The following CAMTA1 variants were observed in gnomAD, a reference collection of about 807,000 sequenced individuals.
CAMTA1 encodes calmodulin binding transcription activator 1.
Under a neutral mutation model 170.9 loss-of-function variants are expected in CAMTA1, and 27 were observed. The ratio of observed to expected loss-of-function variants is 0.16; its 90% CI spans 0.12 to 0.22. The LOEUF (loss-of-function observed/expected upper bound fraction) is 0.22. Ranked by LOEUF, CAMTA1 falls within the 10% of genes least tolerant of loss-of-function variation. The probability of loss-of-function intolerance (pLI) is 1.00; values close to 1 mark genes in which losing one functional copy is unlikely to be tolerated. For synonymous variants in CAMTA1, 833 were observed against 891.5 expected, an observed-to-expected ratio of 0.93 and a Z score of 1.17; for missense variants, 1,619 against 2,217.2, an observed-to-expected ratio of 0.73 and a Z score of 5.42.
intron 7 of CAMTA1, among the ~76,000 whole-genome samples, chr1:7,650,219 G>A (rs1425573510): frequency 2.0e-5 from 3 of 152,184 alleles, no homozygotes; most frequent in East Asian, 1.9e-4. Context: ...CTTCACCCAC[G>A]GTGCAAAGAA....
chr1:7,310,584 TTTTTC>T (rs139275874), intron 5 of CAMTA1, among the ~76,000 whole-genome samples: 5,606 of 132,168 alleles, frequency 0.042, 1,942 homozygotes, highest in African/African-American at 0.056. Context: ...AAGATTTTTC[TTTTTC>T]TTTTCTTTTC....
At chr1:7,683,850 C>T (rs898429700) in intron 11 of CAMTA1, among the ~76,000 whole-genome samples, 1 of 152,232 alleles carries the variant, frequency 6.6e-6, no homozygotes, top group African/African-American at 2.4e-5. Flanking sequence ...CCCAGGCCTG[C>T]TTTCCTCAGC....
intron 5 of CAMTA1, among the ~76,000 whole-genome samples, chr1:7,454,653 A>G (rs1367615909): frequency 6.6e-6 from 1 of 152,044 alleles, no homozygotes; most frequent in Non-Finnish European, 1.5e-5. Flanking sequence ...CAGGGAGGAT[A>G]GGAAGGGGCC....
At chr1:7,444,615 G>A (rs1440932809) in intron 5 of CAMTA1, among the ~76,000 whole-genome samples, 1 of 152,232 alleles carries the variant, frequency 6.6e-6, no homozygotes, top group African/African-American at 2.4e-5. Context: ...CCCTGCTGAT[G>A]ATGTTGGGCA....
chr1:7,600,627 C>A (rs1039924497), intron 6 of CAMTA1, among the ~76,000 whole-genome samples: 2 of 151,782 alleles, frequency 1.3e-5, no homozygotes, highest in African/African-American at 4.8e-5. Flanking sequence ...GAGGACCCTG[C>A]GGCCTTCCAA....
chr1:7,605,313 G>T (rs1313836297), intron 6 of CAMTA1, among the ~76,000 whole-genome samples: 1 of 152,228 alleles, frequency 6.6e-6, no homozygotes. Context: ...AGGCCTCCTT[G>T]AGCTGCAGTA....
At chr1:7,003,191 A>C (rs934882870) in intron 3 of CAMTA1, among the ~76,000 whole-genome samples, 1 of 152,238 alleles carries the variant, frequency 6.6e-6, no homozygotes, top group African/African-American at 2.4e-5. Context: ...TCTGGGGGCA[A>C]AATTGCCCCT....
chr1:6,834,356 G>A (rs1239133889), intron 3 of CAMTA1: 1 of 193,792 alleles, frequency 5.2e-6, no homozygotes. Context: ...TCCAACAGCT[G>A]CCCTCTTTGG....
chr1:6,905,990 G>T (rs1369528273), intron 3 of CAMTA1, among the ~76,000 whole-genome samples: 1 of 152,234 alleles, frequency 6.6e-6, no homozygotes, highest in Non-Finnish European at 1.5e-5. Flanking sequence ...GTCCTGAAGG[G>T]ATGTGGAGCT....
chr1:7,708,878 T>C (rs1280740610), intron 11 of CAMTA1, among the ~76,000 whole-genome samples: 1 of 152,234 alleles, frequency 6.6e-6, no homozygotes, highest in Non-Finnish European at 1.5e-5. Context: ...TGATAAGTCA[T>C]GTAAATAAAT....
At chr1:6,911,266 A>C (rs1445596928) in intron 3 of CAMTA1, among the ~76,000 whole-genome samples, 2 of 152,004 alleles carry the variant, frequency 1.3e-5, no homozygotes, top group Non-Finnish European at 2.9e-5. Context: ...CCTTGGAGGG[A>C]GTTGGGGCCC....
At chr1:7,660,884 T>C (rs1415163483) in intron 7 of CAMTA1, among the ~76,000 whole-genome samples, 1 of 152,244 alleles carries the variant, frequency 6.6e-6, no homozygotes, top group Non-Finnish European at 1.5e-5. Context: ...GATTGCTCCA[T>C]GTGCCGGACT....
At chr1:6,786,690 C>T (rs931936766) in intron 1 of CAMTA1, among the ~76,000 whole-genome samples, 2 of 152,138 alleles carry the variant, frequency 1.3e-5, no homozygotes, top group East Asian at 1.9e-4. Context: ...AGTTGCCCTC[C>T]TTTTCTTATG....
chr1:7,216,858 C>G lies in CAMTA1; in HGVS notation c.303-32633C>G, dbSNP rs1327344440. 2.0e-5 allele frequency among the ~76,000 whole-genome samples: 3 copies of G among 152,066 alleles called. No homozygotes were observed. The highest frequency in any genetic ancestry group is 1.9e-4 in the East Asian group (1 of 5,188). ...AGTGGTTGTAGTCTTGTTTGGTGCA[C>G]TAATACTCATTATGGTTATATTTTT... On this transcript the variant is annotated intron_variant, in intron 4 of 22. Transcript: ENST00000303635. The surrounding 1 kb of genome is among the most constrained non-coding windows in gnomAD (Gnocchi z 4.0).
chr1:7,255,942 G>A (rs554648150), intron 5 of CAMTA1, among the ~76,000 whole-genome samples: 1 of 152,336 alleles, frequency 6.6e-6, no homozygotes, highest in Non-Finnish European at 1.5e-5. Context: ...TTCAAGCCCT[G>A]CTGGTTGAGG....
At chr1:7,751,475 A>G (rs1053620286) in intron 20 of CAMTA1, 83 bp downstream of exon 20, 23 of 1,281,750 alleles carry the variant, frequency 1.8e-5, no homozygotes, top group Non-Finnish European at 2.3e-5. Context: ...CTGGGCTGAC[A>G]TTGGAGTCTG....
rs556454947 is a variant in CAMTA1, at chr1:7,324,853, A to G, written c.438+75227A>G. Among the ~76,000 whole-genome samples the G allele has an allele frequency of 4.6e-5, 7 of 151,470 alleles. 2 individuals are homozygous for G. Among genetic ancestry groups the G allele is most frequent in the African/African-American group, 1.5e-4 (6 of 41,302 alleles). ...TGCTTAGAAGATATCCTTTATTTCT[A>G]TTTTTCAATGGTTACCTTAGAAATT... On this transcript the variant is annotated intron_variant, in intron 5 of 22. Coordinates refer to ENST00000303635, the MANE Select transcript of CAMTA1 (RefSeq NM_015215.4).
At chr1:7,051,097 G>A (rs888286550) in intron 3 of CAMTA1, among the ~76,000 whole-genome samples, 1 of 152,174 alleles carries the variant, frequency 6.6e-6, no homozygotes, top group African/African-American at 2.4e-5. Flanking sequence ...CGTCCCTCTG[G>A]TGATCTGGAG....
intron 3 of CAMTA1, among the ~76,000 whole-genome samples, chr1:6,979,129 C>T (rs920178990): frequency 3.9e-5 from 6 of 152,102 alleles, no homozygotes; most frequent in African/African-American, 7.2e-5. Context: ...GGAAGGAAAA[C>T]GAGAGGGAAG....
Sources: allele counts gnomAD v4.1 joint callset (sites outside exome capture counted in the v4.1 genomes callset), GRCh38; gene constraint gnomAD v4.1.1; non-coding constraint Gnocchi (gnomAD v3.1); transcripts MANE v1.5; gene names NCBI Gene and HGNC (gene_info 2026-07-23, HGNC 2026-07-21).